The following PCP4 variants were observed in gnomAD, a reference collection of about 807,000 sequenced individuals.
PCP4 encodes calmodulin regulator protein PCP4.
A neutral mutation model predicts 10.0 loss-of-function variants in PCP4; 8 were observed. That is an observed-to-expected ratio of 0.80 (90% confidence interval 0.47 to 1.45). The LOEUF (loss-of-function observed/expected upper bound fraction) is 1.45, where lower values mean the gene tolerates loss of function less well. Among genes scored for constraint, PCP4 ranks in the 40% most tolerant of loss-of-function variants. The pLI is 0.00. For synonymous variants in PCP4, 21 were observed against 23.0 expected, an observed-to-expected ratio of 0.91 and a Z score of 0.24; for missense variants, 54 against 74.4, an observed-to-expected ratio of 0.73 and a Z score of 1.01.
At chr21:39,897,179 C>G (rs765474567) in intron 1 of PCP4, among the ~76,000 whole-genome samples, 2 of 151,680 alleles carry the variant, frequency 1.3e-5, no homozygotes, top group East Asian at 1.9e-4. Context: ...CATGGGGTCA[C>G]GAGTTCGAGA....
intron 1 of PCP4, chr21:39,883,781 C>T (rs1470377954): frequency 6.6e-6 from 1 of 152,050 alleles, no homozygotes; most frequent in Non-Finnish European, 1.5e-5. Flanking sequence ...GAGCTCAATG[C>T]ACTGTTTTCA....
chr21:39,870,062 C>T (rs2087312445), intron 1 of PCP4, among the ~76,000 whole-genome samples: 1 of 152,220 alleles, frequency 6.6e-6, no homozygotes, highest in Non-Finnish European at 1.5e-5. Flanking sequence ...GAGAGGACCC[C>T]AAAGTGTCAT....
At chr21:39,870,862 C>T (rs771565778) in intron 1 of PCP4, among the ~76,000 whole-genome samples, 1 of 152,118 alleles carries the variant, frequency 6.6e-6, no homozygotes, top group Non-Finnish European at 1.5e-5. Context: ...CTTGCTTTGG[C>T]GTGGATGGGA....
At chr21:39,870,412 C>A (rs949610289) in intron 1 of PCP4, among the ~76,000 whole-genome samples, 1 of 152,160 alleles carries the variant, frequency 6.6e-6, no homozygotes, top group Non-Finnish European at 1.5e-5. Flanking sequence ...TAGCAGGGAT[C>A]AGAATGCAGG....
chr21:39,892,212 A>T (rs1396134932), intron 1 of PCP4, among the ~76,000 whole-genome samples: 1 of 152,230 alleles, frequency 6.6e-6, no homozygotes, highest in Non-Finnish European at 1.5e-5. Context: ...ATGTCCCTTC[A>T]GCACCTCACC....
intron 1 of PCP4, among the ~76,000 whole-genome samples, chr21:39,879,824 G>C (rs1056646225): frequency 6.6e-6 from 1 of 152,182 alleles, no homozygotes; most frequent in Non-Finnish European, 1.5e-5. Flanking sequence ...AGTAGGGCAG[G>C]ACCAGTGACA....
At chr21:39,891,647 G>A (rs1268360513) in intron 1 of PCP4, among the ~76,000 whole-genome samples, 1 of 152,236 alleles carries the variant, frequency 6.6e-6, no homozygotes, top group Non-Finnish European at 1.5e-5. Flanking sequence ...GAACGGCTGG[G>A]CTGGCCGTTA....
At chr21:39,907,476 G>A (rs2087517780) in intron 2 of PCP4, among the ~76,000 whole-genome samples, 1 of 152,278 alleles carries the variant, frequency 6.6e-6, no homozygotes, top group South Asian at 2.1e-4. Flanking sequence ...GTACAGCTAA[G>A]CTGTGGCAAC....
chr21:39,880,713 G>A (rs1057263566), intron 1 of PCP4, among the ~76,000 whole-genome samples: 3 of 152,142 alleles, frequency 2.0e-5, no homozygotes, highest in African/African-American at 2.4e-5. Flanking sequence ...GACGTACTAG[G>A]CTTTTCAGTT....
chr21:39,897,812 T>A (rs2087464114), intron 1 of PCP4, among the ~76,000 whole-genome samples: 1 of 151,972 alleles, frequency 6.6e-6, no homozygotes, highest in Admixed American at 6.6e-5. Flanking sequence ...TTTGGGAGGC[T>A]GAGGTGGATG....
chr21:39,898,613 C>A, intron 2 of PCP4, 86 bp downstream of exon 2: 1 of 998,774 alleles, frequency 1.0e-6, no homozygotes, highest in Non-Finnish European at 1.6e-6. Context: ...TACATCCCAT[C>A]CCAAACAGCT....
At chr21:39,868,606 C>A (rs1165513198) in intron 1 of PCP4, among the ~76,000 whole-genome samples, 1 of 152,214 alleles carries the variant, frequency 6.6e-6, no homozygotes, top group Non-Finnish European at 1.5e-5. Context: ...CAGCAGCTAA[C>A]ACTTGCCTAA....
intron 2 of PCP4, among the ~76,000 whole-genome samples, chr21:39,922,840 C>T (rs989680943): frequency 6.6e-6 from 1 of 152,192 alleles, no homozygotes; most frequent in African/African-American, 2.4e-5. Context: ...TGAGATCTTA[C>T]AGGTGATGGA....
intron 2 of PCP4, among the ~76,000 whole-genome samples, chr21:39,926,378 A>G (rs1430143185): frequency 6.6e-6 from 1 of 152,220 alleles, no homozygotes; most frequent in Non-Finnish European, 1.5e-5. Flanking sequence ...TTGTCAAAAA[A>G]TAATATTGCC....
chr21:39,879,730 C>T (rs1190267148), intron 1 of PCP4, among the ~76,000 whole-genome samples: 5 of 152,204 alleles, frequency 3.3e-5, no homozygotes, highest in Admixed American at 6.5e-5. Flanking sequence ...TTCTGTAACC[C>T]GCCCTGCTGG....
At chr21:39,916,334 A>G (rs2087568172) in intron 2 of PCP4, 2 of 152,216 alleles carry the variant, frequency 1.3e-5, no homozygotes, top group Non-Finnish European at 2.9e-5. Context: ...TTTTCTTTAT[A>G]TAATATTTCT....
intron 1 of PCP4, among the ~76,000 whole-genome samples, chr21:39,873,651 GC>G (rs1217431388): frequency 6.6e-6 from 1 of 152,154 alleles, no homozygotes; most frequent in Non-Finnish European, 1.5e-5. Context: ...CAAATGAGGT[GC>G]AATGTGAACA....
At chr21:39,898,448 G>C in intron 1 of PCP4, 28 bp from the exon 2 acceptor site, 1 of 1,591,534 alleles carries the variant, frequency 6.3e-7, no homozygotes, top group Non-Finnish European at 8.6e-7. Context: ...GATAACAATT[G>C]CTTTTTTCTT....
At chr21:39,927,770 C>T (rs2087632049) in intron 2 of PCP4, among the ~76,000 whole-genome samples, 1 of 152,168 alleles carries the variant, frequency 6.6e-6, no homozygotes. Flanking sequence ...ACTCCAAGGC[C>T]TCCTTTGTCC....
Sources: allele counts gnomAD v4.1 joint callset (sites outside exome capture counted in the v4.1 genomes callset), GRCh38; gene constraint gnomAD v4.1.1; transcripts MANE v1.5; gene names NCBI Gene and HGNC (gene_info 2026-07-23, HGNC 2026-07-21).